CNTLN: variants seen among roughly 807,000 people sequenced by gnomAD.
CNTLN encodes the protein centlein.
CNTLN carries 212 observed loss-of-function variants against 180.0 expected under a neutral mutation model. That is an observed-to-expected ratio of 1.18 (90% CI 1.05 to 1.32). The LOEUF (loss-of-function observed/expected upper bound fraction) is 1.32. Ranked by LOEUF, CNTLN falls within the 40% of genes most tolerant of loss-of-function variation. The pLI is 0.00. For missense variants in CNTLN, 2,095 were observed against 1,610.9 expected, an observed-to-expected ratio of 1.30 and a Z score of -5.14; for synonymous variants, 722 against 563.1, an observed-to-expected ratio of 1.28 and a Z score of -3.99.
At chr9:17,282,764 A>G (rs757052598) in intron 6 of CNTLN, among the ~76,000 whole-genome samples, 7 of 152,152 alleles carry the variant, frequency 4.6e-5, no homozygotes, top group Non-Finnish European at 8.8e-5. Context: ...TGATTTTTGT[A>G]TAAGGCATAA....
chr9:17,480,875 G>GA (rs1223151417), intron 23 of CNTLN, among the ~76,000 whole-genome samples: 1 of 152,152 alleles, frequency 6.6e-6, no homozygotes, highest in Admixed American at 6.5e-5. Flanking sequence ...TTAGATATTA[G>GA]AAAAATAATA....
intron 18 of CNTLN, among the ~76,000 whole-genome samples, chr9:17,435,173 G>T (rs776934416): frequency 6.6e-6 from 1 of 152,050 alleles, no homozygotes; most frequent in Non-Finnish European, 1.5e-5. Flanking sequence ...CTTTACCTCG[G>T]TTCTGGAGCT....
At chr9:17,382,696 G>A (rs111588431) in intron 13 of CNTLN, among the ~76,000 whole-genome samples, 95 of 152,178 alleles carry the variant, frequency 6.2e-4, no homozygotes, top group African/African-American at 2.2e-3. Flanking sequence ...CTGCAGTTTC[G>A]TTTTATACTA....
chr9:17,505,309 G>T (rs534373365), downstream of CNTLN, among the ~76,000 whole-genome samples: 1 of 152,062 alleles, frequency 6.6e-6, no homozygotes, highest in East Asian at 1.9e-4. Flanking sequence ...AACATAACGT[G>T]GGAAATTCTA....
chr9:17,229,253 G>A (rs376844197), intron 3 of CNTLN, among the ~76,000 whole-genome samples: 13 of 151,904 alleles, frequency 8.6e-5, no homozygotes, highest in African/African-American at 2.7e-4. Context: ...AATGGAGTGG[G>A]TTTTTGAAAA....
intron 12 of CNTLN, among the ~76,000 whole-genome samples, chr9:17,344,826 C>T (rs1339168134): frequency 1.3e-5 from 2 of 151,966 alleles, no homozygotes; most frequent in African/African-American, 2.4e-5. Context: ...GAGTAACTAC[C>T]ACTACAATCG....
At chr9:17,369,174 C>T (rs372486650) in intron 13 of CNTLN, among the ~76,000 whole-genome samples, 1 of 152,074 alleles carries the variant, frequency 6.6e-6, no homozygotes, top group Non-Finnish European at 1.5e-5. Flanking sequence ...CTCATGAAAT[C>T]TGATGGTTTT....
intron 8 of CNTLN, among the ~76,000 whole-genome samples, chr9:17,327,200 T>C (rs1480518514): frequency 1.3e-5 from 2 of 149,036 alleles, no homozygotes; most frequent in Non-Finnish European, 3.0e-5. Context: ...ATGACAAAAA[T>C]ATAGTAGTTA....
At chr9:17,249,631 G>T (rs550256899) in intron 5 of CNTLN, among the ~76,000 whole-genome samples, 1 of 151,968 alleles carries the variant, frequency 6.6e-6, no homozygotes, top group Non-Finnish European at 1.5e-5. Context: ...TTACAGGCAC[G>T]AGCTGCTGCA....
In CNTLN at chr9:17,433,565, C is replaced by T. The variant is rs192227374; in HGVS notation, c.3114+17376C>T. Among the ~76,000 whole-genome samples the T allele has an allele frequency of 3.0e-3, 451 of 152,022 alleles. 6 individuals carry two copies. Among genetic ancestry groups the T allele is most frequent in the African/African-American group, 0.011 (438 of 41,502 alleles). ...CCTCCCAAAGTGCTAGGATTACAGG[C>T]GTGAGCCACCGCGCCCAGCCCTATT... On this transcript the variant is annotated intron_variant, in intron 18 of 25. Transcript: ENST00000380647.
intron 5 of CNTLN, among the ~76,000 whole-genome samples, chr9:17,250,517 T>C: frequency 6.6e-6 from 1 of 151,970 alleles, no homozygotes; most frequent in Non-Finnish European, 1.5e-5. Context: ...TATTGATAAT[T>C]TCTTTGTGCT....
At chr9:17,299,533 A>G in intron 7 of CNTLN, 9 of 985,326 alleles carry the variant, frequency 9.1e-6, no homozygotes, top group Non-Finnish European at 1.1e-5. Context: ...CATATTTTTA[A>G]ATGATGCTTT....
chr9:17,250,357 A>G (rs547133081), intron 5 of CNTLN, among the ~76,000 whole-genome samples: 1 of 152,078 alleles, frequency 6.6e-6, no homozygotes, highest in Admixed American at 6.6e-5. Flanking sequence ...TAATTCATAT[A>G]TATTTAGAGA....
intron 7 of CNTLN, among the ~76,000 whole-genome samples, chr9:17,305,771 C>T (rs991333093): frequency 1.3e-5 from 2 of 152,172 alleles, no homozygotes; most frequent in Non-Finnish European, 2.9e-5. Context: ...GGAGGACTAT[C>T]TTTGCTTCCT....
intron 18 of CNTLN, among the ~76,000 whole-genome samples, chr9:17,439,494 T>G (rs1392980324): frequency 6.6e-6 from 1 of 152,152 alleles, no homozygotes; most frequent in Non-Finnish European, 1.5e-5. Flanking sequence ...GAAAAATACT[T>G]TAGATTGAAT....
intron 10 of CNTLN, among the ~76,000 whole-genome samples, chr9:17,338,599 T>A (rs1821238417): frequency 6.6e-6 from 1 of 152,070 alleles, no homozygotes; most frequent in Non-Finnish European, 1.5e-5. Flanking sequence ...TATGAGAAGG[T>A]ACCAACATTA....
chr9:17,299,816 C>G, intron 7 of CNTLN: 1 of 983,656 alleles, frequency 1.0e-6, no homozygotes, highest in South Asian at 4.7e-5. Flanking sequence ...CTTTCTGTTG[C>G]TTGGAACATT....
At chr9:17,385,782 T>C (rs770883165) in intron 13 of CNTLN, among the ~76,000 whole-genome samples, 2 of 152,204 alleles carry the variant, frequency 1.3e-5, no homozygotes, top group African/African-American at 4.8e-5. Context: ...ATAAGTAATA[T>C]AGAGATTATT....
At chr9:17,520,741 G>C in the CNTLN span, among the ~76,000 whole-genome samples, 9 of 152,192 alleles carry the variant, frequency 5.9e-5, no homozygotes, top group African/African-American at 2.2e-4. Flanking sequence ...CAAAATATCA[G>C]CTGATGTATT....
Sources: allele counts gnomAD v4.1 joint callset (sites outside exome capture counted in the v4.1 genomes callset), GRCh38; gene constraint gnomAD v4.1.1; transcripts MANE v1.5; gene names NCBI Gene and HGNC (gene_info 2026-07-23, HGNC 2026-07-21).